The following PHRF1 variants were observed in gnomAD, a reference collection of about 807,000 sequenced individuals.
PHRF1 encodes the protein PHD and RING finger domain-containing protein 1.
A neutral mutation model predicts 128.9 loss-of-function variants in PHRF1; 53 were observed. The ratio of observed to expected loss-of-function variants is 0.41; its 90% CI spans 0.33 to 0.52. PHRF1 has a LOEUF of 0.52. PHRF1 is among the 20% of genes least tolerant of loss of function. PHRF1 has a pLI of 0.21. For synonymous variants in PHRF1, 1,178 were observed against 980.6 expected, an observed-to-expected ratio of 1.20 and a Z score of -3.76; for missense variants, 2,503 against 2,284.5, an observed-to-expected ratio of 1.10 and a Z score of -1.95.
In PHRF1 at chr11:605,151, G is replaced by T; in HGVS notation, c.1185G>T (p.Arg395=). The T allele has an allele frequency of 1.9e-6, 3 of 1,612,930 alleles. No homozygotes were observed. Among genetic ancestry groups the T allele is most frequent in the Non-Finnish European group, 1.7e-6 (2 of 1,179,268 alleles). Residue 395 remains arginine (R), a synonymous_variant, in exon 11 of 18, where the codon CGG becomes CGT. Coordinates refer to ENST00000264555, the MANE Select transcript of PHRF1 (RefSeq NM_001286581.2). ...CCACCACTCGCTCTCGAATCGCGCGGACGCTGGGCCTGCGCAGGCCTGTTC... is the reference window on the plus strand; with the variant it reads ...CCACCACTCGCTCTCGAATCGCGCGTACGCTGGGCCTGCGCAGGCCTGTTC... ...SEATTRSRIA[R]TLGLRRPVHS...
Position 610,733 on chromosome 11 carries a change from T to C in PHRF1, c.4649T>C (p.Leu1550Pro), listed in dbSNP as rs751600609. 3.3e-5 allele frequency: 53 copies of C among 1,601,748 alleles called. No individual in the cohort carries two copies. The South Asian group carries it at 5.4e-4, about 16-fold the overall frequency. ...NSEEKTPAPR[L>P]AAEKTKKEEY... The stretch of plus-strand genomic sequence containing the variant: ...GAGGAGAAGACCCCGGCCCCCAGGC[T>C]AGCTGCGGAGAAAACCAAGAAGGAG... The change falls in exon 16 of 18, where the codon CTA (leucine) becomes CCA (proline). Residue 1550 changes from leucine (L) to proline (P), a missense_variant. Leu to Pro is a moderately conservative substitution (Grantham distance 98). Coordinates refer to ENST00000264555, the MANE Select transcript of PHRF1 (RefSeq NM_001286581.2).
At position 587,190 on chromosome 11, in the gene PHRF1, C is replaced by T. The variant is rs116858691; in HGVS notation, c.215-69C>T. 2.0e-3 allele frequency: 2,952 copies of T among 1,495,714 alleles called. 9 individuals carry two copies. The highest frequency in any genetic ancestry group is 2.5e-3 in the Non-Finnish European group (2,695 of 1,093,062). The allele number at this position is 1,495,714 out of a possible 1,614,324, so 92.7% of individuals were successfully genotyped here. ...TGGTGTCCTGAGCGCAGCCTGGGCC[C>T]GCTTGCCTCCAGTGCCGCGGTTCAC... On this transcript the variant is annotated intron_variant, in intron 3 of 17. Transcript: ENST00000264555.
chr11:584,729 C>CTTTTTT (rs869125196), intron 3 of PHRF1, among the ~76,000 whole-genome samples: 22 of 90,316 alleles, frequency 2.4e-4, no homozygotes, highest in African/African-American at 3.3e-4. Context: ...TCTCCAGGAC[C>CTTTTTT]TTTTTTTTTT....
rs1856075103 is a variant in PHRF1, at chr11:608,152, C to T, written c.2696C>T (p.Ser899Phe). The change falls in exon 14 of 18, where the codon TCC (serine) becomes TTC (phenylalanine). Residue 899 changes from serine to phenylalanine, a missense_variant. Physicochemically the swap from Ser to Phe is radical, Grantham distance 155. Transcript: ENST00000264555. ...GTEPEPPLGP[S>F]SAMSKLRGAV... ...GAGCCCGAACCCCCTCTCGGACCGT[C>T]CTCCGCCATGTCCAAGCTCCGGGGT... 6.2e-7 allele frequency: 1 copy of T among 1,611,170 alleles called. No individual in the cohort carries two copies. Among genetic ancestry groups the T allele is most frequent in the Non-Finnish European group, 8.5e-7 (1 of 1,179,842 alleles).
chr11:599,834 G>T (rs926370130), intron 9 of PHRF1, among the ~76,000 whole-genome samples: 1 of 152,028 alleles, frequency 6.6e-6, no homozygotes, highest in Admixed American at 6.6e-5. Flanking sequence ...GGGGGTCTCG[G>T]CGTCTGTGGG....
At chr11:579,595 A>G (rs1018064181) in intron 1 of PHRF1, among the ~76,000 whole-genome samples, 17 of 152,182 alleles carry the variant, frequency 1.1e-4, no homozygotes, top group African/African-American at 3.9e-4. Context: ...CAGTGTCTCT[A>G]GGATTCAGGT....
intron 4 of PHRF1, among the ~76,000 whole-genome samples, chr11:590,980 G>A (rs947886975): frequency 6.6e-6 from 1 of 152,186 alleles, no homozygotes. Context: ...TGGGATTACA[G>A]GTATGAGCCC....
At position 610,299 on chromosome 11, in the gene PHRF1, C is replaced by G; in HGVS notation, c.4368C>G (p.Pro1456=). The G allele has an allele frequency of 6.4e-7, 1 of 1,564,510 alleles. No homozygotes were observed. The highest frequency in any genetic ancestry group is 8.7e-7 in the Non-Finnish European group (1 of 1,154,624). The change falls in exon 15 of 18, where the codon CCC becomes CCG. Residue 1456 remains proline (P), a synonymous_variant. Coordinates refer to ENST00000264555, the MANE Select transcript of PHRF1 (RefSeq NM_001286581.2). Reference sequence around the variant, plus strand: ...AGGTGTTCTCCGAGCTGCCCTTTCCCAGTCACGTGCTTCCGGAACCCGGGT... The same window carrying G: ...AGGTGTTCTCCGAGCTGCCCTTTCCGAGTCACGTGCTTCCGGAACCCGGGT... ...VRQVFSELPF[P]SHVLPEPGFP...
At chr11:605,468 G>A (rs1855885624) in intron 11 of PHRF1, 137 bp from the exon 12 acceptor site, 1 of 1,482,314 alleles carries the variant, frequency 6.7e-7, no homozygotes, top group Admixed American at 2.2e-5. Flanking sequence ...GAACTCAGAG[G>A]TCTGGTTCGG....
chr11:584,038 A>G (rs1055088923), intron 3 of PHRF1, among the ~76,000 whole-genome samples: 5 of 152,248 alleles, frequency 3.3e-5, no homozygotes, highest in African/African-American at 4.8e-5. Context: ...AGAATGTTCC[A>G]GAAAGGTAAC....
At chr11:592,188 T>C (rs1055344508) in intron 5 of PHRF1, among the ~76,000 whole-genome samples, 6 of 151,810 alleles carry the variant, frequency 4.0e-5, no homozygotes, top group Non-Finnish European at 8.8e-5. Context: ...GTGCTGGGAT[T>C]ACAGGCGTGA....
In PHRF1 at chr11:611,659, TC is replaced by T; in HGVS notation, c.4833del (p.Asn1612ThrfsTer3). On this transcript the variant is annotated frameshift_variant, in exon 18 of 18. Coordinates refer to ENST00000264555, the MANE Select transcript of PHRF1 (RefSeq NM_001286581.2). LOFTEE classifies it low-confidence loss of function (END_TRUNC). ...ATCTGCCACAGCAAGAGTGGAGAGA[TC>T]AACCCCGTGAAGGTGGCCAACCTGG... is the stretch of plus-strand genomic sequence containing the variant. ...QKICHSKSGE[I>X]NPVKVANLVK... The T allele has an allele frequency of 6.2e-7, 1 of 1,613,146 alleles. No individual in the cohort carries two copies. The highest frequency in any genetic ancestry group is 2.2e-5 in the East Asian group (1 of 44,884).
chr11:607,161 C>T lies in PHRF1; in HGVS notation c.1705C>T (p.Pro569Ser). ...GCCCCGAGCACTGCCCTCCGGGAGC[C>T]CGGCCCAAGGCCCGTCAGGAAACAG... ...LQPRALPSGS[P>S]AQGPSGNRPQ... is the part of the protein sequence containing the mutation. Residue 569 changes from proline (P) to serine (S), a missense_variant, in exon 14 of 18, where the codon CCG becomes TCG. Coordinates refer to ENST00000264555, the MANE Select transcript of PHRF1 (RefSeq NM_001286581.2). 6.2e-7 allele frequency: 1 copy of T among 1,612,942 alleles called. No homozygotes were observed. The highest frequency in any genetic ancestry group is 8.5e-7 in the Non-Finnish European group (1 of 1,179,798).
intron 1 of PHRF1, among the ~76,000 whole-genome samples, chr11:579,530 T>C (rs934923074): frequency 3.1e-4 from 47 of 152,312 alleles, no homozygotes; most frequent in African/African-American, 1.1e-3. Context: ...GTGCATGCTG[T>C]GGGAGAGGGG....
At chr11:599,949 C>T (rs1174018428) in intron 9 of PHRF1, among the ~76,000 whole-genome samples, 1 of 152,126 alleles carries the variant, frequency 6.6e-6, no homozygotes, top group Non-Finnish European at 1.5e-5. Context: ...AGAAATATTC[C>T]ATTGTATGAA....
At chr11:582,291 G>T (rs1854254451) in intron 3 of PHRF1, among the ~76,000 whole-genome samples, 1 of 146,638 alleles carries the variant, frequency 6.8e-6, no homozygotes, top group African/African-American at 2.5e-5. Flanking sequence ...TTGAGACAGG[G>T]TGTCGCTCTG....
At position 611,064 on chromosome 11, in the gene PHRF1, G is replaced by A. The variant is rs1195186671; in HGVS notation, c.4788G>A (p.Leu1596=). 1 of 1,612,888 alleles carries A rather than the reference G, an allele frequency of 6.2e-7. No homozygotes were observed. The highest frequency in any genetic ancestry group is 1.3e-5 in the African/African-American group (1 of 74,916). The change falls in exon 17 of 18, where the codon CTG becomes CTA. Residue 1596 remains leucine, a synonymous_variant. Coordinates refer to ENST00000264555, the MANE Select transcript of PHRF1 (RefSeq NM_001286581.2). ...EVTKEEYKDI[L]RKAVQKICHS... The stretch of plus-strand genomic sequence containing the variant: ...CCAAGGAGGAGTACAAGGACATCCT[G>A]CGCAAGGCCGTGCAGAAGGTGGGCT...
chr11:597,311 C>G lies in PHRF1; in HGVS notation c.719-84C>G, dbSNP rs894229102. On this transcript the variant is annotated intron_variant, in intron 7 of 17. Transcript: ENST00000264555. The surrounding 1 kb of genome is among the most constrained non-coding windows in gnomAD (Gnocchi z 6.5). The stretch of plus-strand genomic sequence containing the variant: ...AGGTCAGCCCGAGCCAGGGCTGCTA[C>G]TTGGCCGGCAGCCACAGGGGGAGCC... The G allele has an allele frequency of 4.0e-6, 6 of 1,505,848 alleles. No homozygotes were observed. In the African/African-American group the frequency reaches 6.9e-5, roughly 17 times the overall value. 93.3% of individuals were successfully genotyped at this position (1,505,848 alleles called of 1,614,324 possible).
intron 6 of PHRF1, among the ~76,000 whole-genome samples, chr11:595,528 A>G (rs572896865): frequency 6.6e-6 from 1 of 152,316 alleles, no homozygotes; most frequent in Non-Finnish European, 1.5e-5. Context: ...CTCCCTGTGC[A>G]GGTGGAGCCA....
Sources: gnomAD v4.1 joint callset for allele counts (sites outside exome capture counted in the v4.1 genomes callset) on GRCh38, gnomAD v4.1.1 for gene constraint, Gnocchi (gnomAD v3.1) non-coding constraint, MANE v1.5 for transcripts, NCBI Gene and HGNC (gene_info 2026-07-23, HGNC 2026-07-21) for gene names.